Variants in GMDS observed in about 807,000 individuals in gnomAD.
The protein encoded by GMDS is GDP-mannose 4,6 dehydratase.
GMDS carries 20 observed loss-of-function variants against 49.9 expected under a neutral mutation model. The ratio of observed to expected loss-of-function variants is 0.40; its 90% CI spans 0.28 to 0.58. The LOEUF is 0.58. Ranked by LOEUF, GMDS falls within the 20% of genes least tolerant of loss-of-function variation. The probability of loss-of-function intolerance (pLI) is 0.42; values close to 1 mark genes in which losing one functional copy is unlikely to be tolerated. For missense variants in GMDS, 362 were observed against 481.4 expected (o/e 0.75, Z 2.32); for synonymous variants, 177 against 178.6 (o/e 0.99, Z 0.07).
chr6:1,867,598 A>G (rs1400927154), intron 7 of GMDS, among the ~76,000 whole-genome samples: 2 of 152,206 alleles, frequency 1.3e-5, no homozygotes, highest in South Asian at 2.1e-4. Context: ...ACCCCTGGAC[A>G]TTCCCTAAGC....
intron 9 of GMDS, among the ~76,000 whole-genome samples, chr6:1,715,109 G>C (rs1766128136): frequency 1.3e-5 from 2 of 152,166 alleles, no homozygotes; most frequent in African/African-American, 4.8e-5. Context: ...TAAGGAGACA[G>C]GAAAGTGGCA....
intron 9 of GMDS, among the ~76,000 whole-genome samples, chr6:1,711,574 C>T (rs1054144594): frequency 2.0e-5 from 3 of 152,158 alleles, no homozygotes. Context: ...ACTCATTTTG[C>T]CAGTTTGCAC....
chr6:1,740,509 A>T (rs982729487), intron 8 of GMDS, among the ~76,000 whole-genome samples: 6 of 151,638 alleles, frequency 4.0e-5, no homozygotes, highest in Non-Finnish European at 7.4e-5. Flanking sequence ...GTGAGCCAAG[A>T]TCGTGCCACT....
At chr6:1,738,144 CAGAT>C (rs1416655819) in intron 8 of GMDS, among the ~76,000 whole-genome samples, 1 of 97,352 alleles carries the variant, frequency 1.0e-5, no homozygotes, top group Non-Finnish European at 2.1e-5. Context: ...CATACACACA[CAGAT>C]ACACATACAC....
intron 1 of GMDS, among the ~76,000 whole-genome samples, chr6:2,215,580 T>C (rs1780293350): frequency 6.7e-6 from 1 of 149,528 alleles, no homozygotes; most frequent in African/African-American, 2.5e-5. Flanking sequence ...TGGGTAGAGA[T>C]ACAGCCAAAC....
intron 4 of GMDS, among the ~76,000 whole-genome samples, chr6:2,026,991 A>G (rs1464259728): frequency 2.0e-5 from 3 of 152,164 alleles, no homozygotes; most frequent in Admixed American, 6.6e-5. Flanking sequence ...AAATATACCA[A>G]AAAATCCCCC....
At chr6:1,968,632 G>T (rs929626347) in intron 4 of GMDS, among the ~76,000 whole-genome samples, 1 of 152,190 alleles carries the variant, frequency 6.6e-6, no homozygotes, top group Non-Finnish European at 1.5e-5. Context: ...GGTTCAGGGA[G>T]AGAGGCGGCT....
intron 4 of GMDS, among the ~76,000 whole-genome samples, chr6:2,060,200 C>A (rs79517139): frequency 3.3e-5 from 5 of 152,106 alleles, no homozygotes; most frequent in African/African-American, 1.2e-4. Context: ...GCGACCCTGG[C>A]GTACTGTTCC....
intron 4 of GMDS, among the ~76,000 whole-genome samples, chr6:2,016,393 AAAG>A (rs1480349450): frequency 5.3e-5 from 8 of 152,214 alleles, no homozygotes; most frequent in African/African-American, 1.9e-4. Context: ...GTCAATTAAT[AAAG>A]AAGGCATAAC....
intron 4 of GMDS, among the ~76,000 whole-genome samples, chr6:1,970,108 G>A (rs930653781): frequency 6.6e-5 from 10 of 152,150 alleles, no homozygotes; most frequent in African/African-American, 2.4e-4. Context: ...TACAAATGTG[G>A]TGTCGGAAAA....
At chr6:2,116,207 T>G (rs1402976134) in intron 3 of GMDS, among the ~76,000 whole-genome samples, 1 of 151,696 alleles carries the variant, frequency 6.6e-6, no homozygotes, top group Non-Finnish European at 1.5e-5. Context: ...AGAATGAGAT[T>G]CAGAAAAAGA....
intron 7 of GMDS, among the ~76,000 whole-genome samples, chr6:1,870,542 G>A (rs917283280): frequency 8.5e-5 from 13 of 152,088 alleles, no homozygotes; most frequent in Admixed American, 3.9e-4. Flanking sequence ...TTGTGATTTC[G>A]GATGCCTCAG....
chr6:2,212,891 T>C lies in GMDS; in HGVS notation c.102+32430A>G, dbSNP rs373420527. Among the ~76,000 whole-genome samples, 46 of 152,258 alleles carry C rather than the reference T, an allele frequency of 3.0e-4. No homozygotes were observed. In the East Asian group the frequency reaches 8.7e-3, roughly 29 times the overall value. ...TCTGAATGGTTACTCCTGTAAAAAA[T>C]AATCAGTTTAAGTCTTTAAAAAGAA... On this transcript the variant is annotated intron_variant, in intron 1 of 10. Coordinates refer to ENST00000380815, the MANE Select transcript of GMDS (RefSeq NM_001500.4).
rs563391958 is a variant in GMDS at position 2,070,088 on chromosome 6, A to G, written c.345+45683T>C. Among the ~76,000 whole-genome samples, 380 of 151,764 alleles carry G rather than the reference A, an allele frequency of 2.5e-3. 1 individual carries two copies. Among genetic ancestry groups the G allele is most frequent in the African/African-American group, 9.0e-3 (369 of 41,192 alleles). ...ATACACCATGGAATACTATGCAGCC[A>G]TAATAAATGATGAGTTCATGTCCTT... On this transcript the variant is annotated intron_variant, in intron 4 of 10. Coordinates refer to ENST00000380815, the MANE Select transcript of GMDS (RefSeq NM_001500.4).
chr6:1,921,851 A>C lies in GMDS; in HGVS notation c.771+8252T>G, dbSNP rs985633524. ...ATTTCTTGGAATATTTTTCAAAGAG[A>C]GTATATTAAATAGCTCCACAGAAGG... On this transcript the variant is annotated intron_variant, in intron 7 of 10. Coordinates refer to ENST00000380815, the MANE Select transcript of GMDS (RefSeq NM_001500.4). Among the ~76,000 whole-genome samples the C allele has an allele frequency of 2.6e-5, 4 of 152,224 alleles. No individual in the cohort carries two copies. In the East Asian group the frequency reaches 7.7e-4, roughly 29 times the overall value.
At chr6:2,125,569 G>A (rs1315901527) in intron 1 of GMDS, among the ~76,000 whole-genome samples, 1 of 152,142 alleles carries the variant, frequency 6.6e-6, no homozygotes, top group African/African-American at 2.4e-5. Context: ...ACTCCAGCCT[G>A]GGTGGCAGAG....
chr6:1,700,667 C>A (rs1561739773), intron 9 of GMDS, among the ~76,000 whole-genome samples: 1 of 152,168 alleles, frequency 6.6e-6, no homozygotes, highest in Non-Finnish European at 1.5e-5. Context: ...CAACGTGGGA[C>A]AACAGCATCT....
intron 9 of GMDS, among the ~76,000 whole-genome samples, chr6:1,677,524 T>C (rs1231461161): frequency 1.3e-5 from 2 of 152,040 alleles, no homozygotes; most frequent in South Asian, 2.1e-4. Flanking sequence ...CTATTCACAA[T>C]AGCAAAGACT....
chr6:1,883,326 G>A (rs1292001349), intron 7 of GMDS, among the ~76,000 whole-genome samples: 6 of 152,088 alleles, frequency 3.9e-5, no homozygotes, highest in Non-Finnish European at 5.9e-5. Flanking sequence ...AGGAGGCGGA[G>A]GCTGCAGTGA....
Sources: allele counts gnomAD v4.1 joint callset (sites outside exome capture counted in the v4.1 genomes callset), GRCh38; gene constraint gnomAD v4.1.1; transcripts MANE v1.5; gene names NCBI Gene and HGNC (gene_info 2026-07-23, HGNC 2026-07-21).